GLIS1: variants seen among roughly 807,000 people sequenced by gnomAD.
GLIS1 encodes zinc finger protein GLIS1.
A neutral mutation model predicts 63.8 loss-of-function variants in GLIS1; 24 were observed. The ratio of observed to expected loss-of-function variants is 0.38; its 90% CI spans 0.27 to 0.53. The LOEUF is 0.53. Among genes scored for constraint, GLIS1 ranks in the 20% least tolerant of loss-of-function variants. The pLI, the probability that GLIS1 is intolerant of heterozygous loss-of-function variation, is 0.85. For missense variants in GLIS1, 1,036 were observed against 1,074.1 expected, an observed-to-expected ratio of 0.96 and a Z score of 0.50; for synonymous variants, 450 against 482.5, an observed-to-expected ratio of 0.93 and a Z score of 0.88.
intron 2 of GLIS1, among the ~76,000 whole-genome samples, chr1:53,652,574 G>A (rs1645920942): frequency 6.6e-6 from 1 of 152,208 alleles, no homozygotes; most frequent in Non-Finnish European, 1.5e-5. Context: ...CTGGAGGGCA[G>A]GGATAGTGTC....
chr1:53,532,823 C>G (rs1644545029), intron 4 of GLIS1, among the ~76,000 whole-genome samples: 1 of 152,354 alleles, frequency 6.6e-6, no homozygotes, highest in South Asian at 2.1e-4. Flanking sequence ...TCTGTGTATT[C>G]CTGCCTTGGC....
At chr1:53,599,735 T>C (rs929069041) in intron 3 of GLIS1, among the ~76,000 whole-genome samples, 1 of 152,152 alleles carries the variant, frequency 6.6e-6, no homozygotes, top group East Asian at 1.9e-4. Context: ...GGGGCAGAGA[T>C]GGTATGTGGG....
intron 2 of GLIS1, among the ~76,000 whole-genome samples, chr1:53,648,779 C>T (rs1307960670): frequency 6.6e-6 from 1 of 152,116 alleles, no homozygotes; most frequent in Non-Finnish European, 1.5e-5. Flanking sequence ...CAAAAACAAG[C>T]AAAACAAATC....
intron 2 of GLIS1, among the ~76,000 whole-genome samples, chr1:53,663,387 G>A (rs934923640): frequency 3.3e-5 from 5 of 152,224 alleles, no homozygotes; most frequent in South Asian, 2.1e-4. Flanking sequence ...GGCCACAGAC[G>A]GCAAGCGAAC....
intron 2 of GLIS1, among the ~76,000 whole-genome samples, chr1:53,707,545 G>C (rs954432012): frequency 1.3e-5 from 2 of 152,044 alleles, no homozygotes; most frequent in Admixed American, 1.3e-4. Context: ...AGCTACTCGG[G>C]AGACTGAGGC....
intron 3 of GLIS1, 86 bp from the exon 4 acceptor site, chr1:53,595,076 G>T: frequency 1.6e-6 from 2 of 1,237,298 alleles, no homozygotes; most frequent in Non-Finnish European, 2.1e-6. Flanking sequence ...GGAAGCTGAG[G>T]ATCAAGGGAT....
At chr1:53,647,652 T>C (rs968975522) in intron 2 of GLIS1, among the ~76,000 whole-genome samples, 2 of 152,158 alleles carry the variant, frequency 1.3e-5, no homozygotes, top group Admixed American at 6.5e-5. Flanking sequence ...TATAGGAGAC[T>C]ATTTTCACAA....
At chr1:53,654,322 T>A (rs1427882241) in intron 2 of GLIS1, among the ~76,000 whole-genome samples, 1 of 152,136 alleles carries the variant, frequency 6.6e-6, no homozygotes, top group Non-Finnish European at 1.5e-5. Flanking sequence ...ACCTGCGAAG[T>A]CAGAACACAG....
At chr1:53,723,239 C>T (rs1484741455) in intron 2 of GLIS1, among the ~76,000 whole-genome samples, 3 of 141,422 alleles carry the variant, frequency 2.1e-5, no homozygotes, top group African/African-American at 7.9e-5. Context: ...TATTTATTTA[C>T]TTTTTTTTTT....
intron 7 of GLIS1, among the ~76,000 whole-genome samples, chr1:53,518,240 A>G (rs1362583778): frequency 6.6e-6 from 1 of 152,202 alleles, no homozygotes; most frequent in Non-Finnish European, 1.5e-5. Flanking sequence ...TGCTCAGTAT[A>G]GCAGAGGAGC....
chr1:53,520,866 G>A (rs1644401317), intron 6 of GLIS1, 100 bp from the exon 7 acceptor site: 2 of 1,308,086 alleles, frequency 1.5e-6, no homozygotes, highest in Admixed American at 5.8e-5. Flanking sequence ...GCAGCCCCAG[G>A]GCAAGACCCT....
chr1:53,711,932 C>T (rs1646651107), intron 2 of GLIS1, among the ~76,000 whole-genome samples: 1 of 152,176 alleles, frequency 6.6e-6, no homozygotes, highest in Non-Finnish European at 1.5e-5. Context: ...TACAGGCCTT[C>T]GCTAGCATGG....
intron 2 of GLIS1, among the ~76,000 whole-genome samples, chr1:53,644,017 G>A (rs184512181): frequency 2.0e-4 from 31 of 152,338 alleles, no homozygotes; most frequent in Non-Finnish European, 3.7e-4. Context: ...GAATGTTCCA[G>A]GCCAAGTTGT....
At chr1:53,630,801 G>A (rs545472706) in intron 2 of GLIS1, among the ~76,000 whole-genome samples, 13 of 152,310 alleles carry the variant, frequency 8.5e-5, no homozygotes, top group Non-Finnish European at 1.5e-4. Flanking sequence ...CCAGCCAGAG[G>A]GAGCCAATTT....
At chr1:53,642,010 C>A (rs1645792335) in intron 2 of GLIS1, among the ~76,000 whole-genome samples, 1 of 152,222 alleles carries the variant, frequency 6.6e-6, no homozygotes, top group Non-Finnish European at 1.5e-5. Context: ...GACCCCACTC[C>A]ACTCCCAGGC....
chr1:53,524,842 CTG>C lies in GLIS1; in HGVS notation c.1526_1527del (p.Thr509ArgfsTer21). Reference protein sequence around the residue: ...CQIPGCSKRYTDPSSLRKHVK... With the variant: ...CQIPGCSKRYXDPSSLRKHVK... ...ACGTGCTTGCGGAGGGAGCTGGGGTCTGTGTAGCGCTTGGAGCAGCCAGGGAT... is the reference window on the plus strand; with the variant it reads ...ACGTGCTTGCGGAGGGAGCTGGGGTCTGTAGCGCTTGGAGCAGCCAGGGAT... On this transcript the variant is annotated frameshift_variant, in exon 6 of 11. Transcript: ENST00000628545. LOFTEE classifies it high-confidence loss of function. The C allele has an allele frequency of 6.2e-7, 1 of 1,613,040 alleles. No individual in the cohort carries two copies. The highest frequency in any genetic ancestry group is 8.5e-7 in the Non-Finnish European group (1 of 1,179,606).
chr1:53,601,585 T>A (rs1645318424), intron 2 of GLIS1, among the ~76,000 whole-genome samples: 1 of 152,094 alleles, frequency 6.6e-6, no homozygotes, highest in Admixed American at 6.6e-5. Context: ...CACTTGAGCA[T>A]CCCCACTGCT....
At chr1:53,551,159 A>C (rs71503614) in intron 4 of GLIS1, among the ~76,000 whole-genome samples, 237 of 152,216 alleles carry the variant, frequency 1.6e-3, no homozygotes, top group Middle Eastern at 0.01. Context: ...TGATTTTTTA[A>C]AGGATCCCCC....
intron 2 of GLIS1, among the ~76,000 whole-genome samples, chr1:53,636,027 T>G (rs1313187276): frequency 2.6e-5 from 4 of 152,130 alleles, no homozygotes; most frequent in Non-Finnish European, 5.9e-5. Context: ...AAGAAAGAAA[T>G]AATTCTATTC....
Sources: gnomAD v4.1 joint callset for allele counts (sites outside exome capture counted in the v4.1 genomes callset) on GRCh38, gnomAD v4.1.1 for gene constraint, MANE v1.5 for transcripts, NCBI Gene and HGNC (gene_info 2026-07-23, HGNC 2026-07-21) for gene names.